The following ASXL3 variants were observed in gnomAD, a reference collection of about 807,000 sequenced individuals.
ASXL3 encodes ASXL transcriptional regulator 3.
ASXL3 carries 34 observed loss-of-function variants against 170.6 expected under a neutral mutation model. The ratio of observed to expected loss-of-function variants is 0.20; its 90% CI spans 0.15 to 0.27. The LOEUF is 0.27. ASXL3 is among the 10% of genes least tolerant of loss of function. The pLI, the probability that ASXL3 is intolerant of heterozygous loss-of-function variation, is 1.00. For synonymous variants in ASXL3, 1,002 were observed against 989.1 expected (o/e 1.01, Z -0.24); for missense variants, 2,592 against 2,695.3 (o/e 0.96, Z 0.85).
chr18:33,581,934 CCTTCTTTTTTCTT>C (rs917820735), intron 1 of ASXL3, among the ~76,000 whole-genome samples: 1 of 152,012 alleles, frequency 6.6e-6, no homozygotes, highest in Non-Finnish European at 1.5e-5. Flanking sequence ...CTTTTTTTCC[CCTTCTTTTTTCTT>C]CTGCCCTGCA....
chr18:33,746,612 G>A lies in ASXL3; in HGVS notation c.*17G>A, dbSNP rs757716718. The A allele has an allele frequency of 4.8e-5, 74 of 1,549,156 alleles. No homozygotes were observed. The South Asian group carries it at 4.8e-4, about 10-fold the overall frequency. On this transcript the variant is annotated 3_prime_UTR_variant, in exon 12 of 12. Coordinates refer to ENST00000269197, the MANE Select transcript of ASXL3 (RefSeq NM_030632.3). ...GTACGATAAGAGCTGAGTGAAAGAT[G>A]CAGTATCCCTTTTCCACACGGAAAA... is the stretch of plus-strand genomic sequence containing the variant.
intron 1 of ASXL3, among the ~76,000 whole-genome samples, chr18:33,595,694 A>G (rs2065119750): frequency 6.6e-6 from 1 of 152,192 alleles, no homozygotes; most frequent in Non-Finnish European, 1.5e-5. Context: ...GCCTACGAAC[A>G]TAGCTTCCAG....
At chr18:33,676,004 C>T (rs535224675) in intron 7 of ASXL3, among the ~76,000 whole-genome samples, 1 of 151,946 alleles carries the variant, frequency 6.6e-6, no homozygotes, top group South Asian at 2.1e-4. Flanking sequence ...GCGGGCGGAT[C>T]ACGAGGTCAG....
intron 8 of ASXL3, among the ~76,000 whole-genome samples, chr18:33,691,557 C>T (rs1034477654): frequency 7.9e-5 from 12 of 152,062 alleles, no homozygotes; most frequent in African/African-American, 2.9e-4. Context: ...TATTTAATGC[C>T]TACAATTCAC....
chr18:33,720,296 A>G (rs944477392), intron 8 of ASXL3, among the ~76,000 whole-genome samples: 1 of 152,084 alleles, frequency 6.6e-6, no homozygotes, highest in African/African-American at 2.4e-5. Context: ...TAAAGAAAGG[A>G]ATGACTAATA....
At chr18:33,717,362 A>C (rs1447866730) in intron 8 of ASXL3, among the ~76,000 whole-genome samples, 1 of 152,172 alleles carries the variant, frequency 6.6e-6, no homozygotes, top group Non-Finnish European at 1.5e-5. Flanking sequence ...GATTTAAAGG[A>C]TCACAAGCTA....
chr18:33,636,152 C>A (rs2065760207), intron 2 of ASXL3, among the ~76,000 whole-genome samples: 4 of 152,108 alleles, frequency 2.6e-5, no homozygotes, highest in Non-Finnish European at 4.4e-5. Context: ...ACCATAGAAG[C>A]TTGGTGATTT....
intron 8 of ASXL3, among the ~76,000 whole-genome samples, chr18:33,703,523 G>A (rs2066912096): frequency 6.6e-6 from 1 of 152,120 alleles, no homozygotes; most frequent in Non-Finnish European, 1.5e-5. Flanking sequence ...TTGACCTCTT[G>A]GTTGTACTTG....
At chr18:33,601,309 A>G (rs1219543131) in intron 1 of ASXL3, among the ~76,000 whole-genome samples, 1 of 152,048 alleles carries the variant, frequency 6.6e-6, no homozygotes, top group East Asian at 1.9e-4. Flanking sequence ...CTATTTATTA[A>G]CACTCATTGC....
intron 1 of ASXL3, among the ~76,000 whole-genome samples, chr18:33,587,449 TTA>T (rs1228560686): frequency 6.6e-6 from 1 of 152,200 alleles, no homozygotes; most frequent in African/African-American, 2.4e-5. Flanking sequence ...TTTCACAGCT[TTA>T]TAATTTTTAT....
chr18:33,599,343 G>A (rs929818817), intron 1 of ASXL3, among the ~76,000 whole-genome samples: 4 of 152,086 alleles, frequency 2.6e-5, no homozygotes, highest in African/African-American at 9.7e-5. Context: ...CTTATAAACT[G>A]GGTGGTAGTA....
chr18:33,633,210 A>T (rs1217321197), intron 2 of ASXL3, among the ~76,000 whole-genome samples: 1 of 152,202 alleles, frequency 6.6e-6, no homozygotes, highest in Non-Finnish European at 1.5e-5. Flanking sequence ...TACAAAGCAC[A>T]CTTCCAACTG....
At position 33,593,258 on chromosome 18, in the gene ASXL3, CTTTTTT is replaced by C. The variant is rs34699815; in HGVS notation, c.55-14318_55-14313del. 5.7e-5 allele frequency among the ~76,000 whole-genome samples: 5 copies of C among 87,932 alleles called. No homozygotes were observed. The South Asian group carries it at 2.2e-3, about 39-fold the overall frequency. 57.7% of individuals were successfully genotyped at this position (87,932 alleles called of 152,430 possible). ...CTTTTCTTTCTCCCCCTATGCCCAC[CTTTTTT>C]TTTTTTTTTTTTTTTTTGGCCTAGG... On this transcript the variant is annotated intron_variant, in intron 1 of 11. Coordinates refer to ENST00000269197, the MANE Select transcript of ASXL3 (RefSeq NM_030632.3).
At position 33,742,929 on chromosome 18, in the gene ASXL3, C is replaced by A. The variant is rs1270822330; in HGVS notation, c.3081C>A (p.Ser1027Arg). ...SKIGPPFIIK[S>R]QPVSKPESRA... Reference sequence around the variant, plus strand: ...TTGGGCCACCTTTTATAATCAAGAGCCAACCAGTCTCCAAACCTGAGTCTC... The same window carrying A: ...TTGGGCCACCTTTTATAATCAAGAGACAACCAGTCTCCAAACCTGAGTCTC... Residue 1027 changes from serine to arginine, a missense_variant, in exon 12 of 12, where the codon AGC becomes AGA. Physicochemically the swap from Ser to Arg is moderately radical, Grantham distance 110 (BLOSUM62 -1). Coordinates refer to ENST00000269197, the MANE Select transcript of ASXL3 (RefSeq NM_030632.3). The A allele has an allele frequency of 5.6e-6, 9 of 1,607,068 alleles. No individual in the cohort carries two copies. Among genetic ancestry groups the A allele is most frequent in the Non-Finnish European group, 6.8e-6 (8 of 1,177,982 alleles).
At chr18:33,681,353 A>G (rs1018966498) in intron 7 of ASXL3, among the ~76,000 whole-genome samples, 4 of 152,122 alleles carry the variant, frequency 2.6e-5, no homozygotes, top group African/African-American at 9.7e-5. Flanking sequence ...AAGAACATAC[A>G]CTAGTGGTTA....
chr18:33,709,829 A>G (rs575909421), intron 8 of ASXL3, among the ~76,000 whole-genome samples: 75 of 152,232 alleles, frequency 4.9e-4, no homozygotes, highest in South Asian at 1.0e-3. Context: ...TGGCTCTGCA[A>G]TGAACAGTCT....
chr18:33,692,500 C>T (rs569114641), intron 8 of ASXL3, among the ~76,000 whole-genome samples: 4 of 152,252 alleles, frequency 2.6e-5, no homozygotes, highest in African/African-American at 9.6e-5. Context: ...TTCTCATCCA[C>T]CAGGGCTCAA....
intron 1 of ASXL3, among the ~76,000 whole-genome samples, chr18:33,589,779 C>G (rs1568265222): frequency 6.6e-6 from 1 of 152,034 alleles, no homozygotes; most frequent in East Asian, 1.9e-4. Context: ...ACAGTAATAC[C>G]TTTATCACTA....
intron 1 of ASXL3, among the ~76,000 whole-genome samples, chr18:33,596,896 A>G (rs374786397): frequency 1.3e-5 from 2 of 151,980 alleles, no homozygotes; most frequent in Non-Finnish European, 2.9e-5. Flanking sequence ...GCTCACTGCA[A>G]TCTCCACCTC....
Sources: gnomAD v4.1 joint callset for allele counts (sites outside exome capture counted in the v4.1 genomes callset) on GRCh38, gnomAD v4.1.1 for gene constraint, MANE v1.5 for transcripts, NCBI Gene and HGNC (gene_info 2026-07-23, HGNC 2026-07-21) for gene names.